The following PHACTR1 variants were observed in gnomAD, a reference collection of about 807,000 sequenced individuals.
PHACTR1 encodes the protein phosphatase and actin regulator 1.
A neutral mutation model predicts 69.2 loss-of-function variants in PHACTR1; 16 were observed. The ratio of observed to expected loss-of-function variants is 0.23; its 90% CI spans 0.16 to 0.35. The LOEUF (loss-of-function observed/expected upper bound fraction) is 0.35. PHACTR1 is among the 10% of genes least tolerant of loss of function. The pLI is 1.00. For missense variants in PHACTR1, 510 were observed against 734.7 expected (o/e 0.69, Z 3.54); for synonymous variants, 312 against 284.5 (o/e 1.10, Z -0.97).
rs551911241 is a variant in PHACTR1 at position 12,895,119 on chromosome 6, T to C, written c.250+145329T>C. Among the ~76,000 whole-genome samples the C allele has an allele frequency of 3.3e-4, 50 of 152,050 alleles. 2 individuals are homozygous for C. In the South Asian group the frequency reaches 8.9e-3, roughly 27 times the overall value. ...TCTGTATAATATTCTACTCTTAGGA[T>C]ATTGTGTATATATTTAACTAATCTA... On this transcript the variant is annotated intron_variant, in intron 4 of 14. Coordinates refer to ENST00000332995, the MANE Select transcript of PHACTR1 (RefSeq NM_030948.6).
At chr6:12,865,457 GGT>G (rs34729979) in intron 4 of PHACTR1, among the ~76,000 whole-genome samples, 87,504 of 149,768 alleles carry the variant, frequency 0.58, 27,175 homozygotes, top group East Asian at 0.85. Context: ...TTGTTTAATG[GGT>G]GTGTGTGTGT....
At chr6:13,210,284 G>A (rs1766615354) in intron 8 of PHACTR1, among the ~76,000 whole-genome samples, 5 of 152,068 alleles carry the variant, frequency 3.3e-5, no homozygotes, top group Admixed American at 3.3e-4. Flanking sequence ...CAAATTTCTG[G>A]CATTACAGGT....
chr6:12,841,204 A>G (rs996341016), intron 4 of PHACTR1, among the ~76,000 whole-genome samples: 2 of 152,248 alleles, frequency 1.3e-5, no homozygotes, highest in African/African-American at 4.8e-5. Context: ...GAGAAGTTAA[A>G]TGACACATCC....
At chr6:12,967,574 G>A (rs1793649749) in intron 4 of PHACTR1, among the ~76,000 whole-genome samples, 1 of 152,220 alleles carries the variant, frequency 6.6e-6, no homozygotes, top group South Asian at 2.1e-4. Flanking sequence ...TCAGTCAACT[G>A]TAACTCTTAG....
At chr6:13,185,523 G>T (rs1014900763) in intron 7 of PHACTR1, among the ~76,000 whole-genome samples, 2 of 151,622 alleles carry the variant, frequency 1.3e-5, no homozygotes, top group African/African-American at 4.8e-5. Flanking sequence ...TAAAAGAAGA[G>T]TAAGCTTAGC....
chr6:12,954,853 C>A (rs1791689808), intron 4 of PHACTR1, among the ~76,000 whole-genome samples: 2 of 152,128 alleles, frequency 1.3e-5, no homozygotes, highest in African/African-American at 2.4e-5. Flanking sequence ...CAAATTTGTT[C>A]CCCTAAAATA....
rs2127385975 is a variant in PHACTR1, at chr6:13,246,253, T to C, written c.1391+16060T>C. ...AATAATGTGGAGGTTTTGAATGAAA[T>C]CTTTAAAAAACATATTCAGTTATCA... On this transcript the variant is annotated intron_variant, in intron 10 of 14. Coordinates refer to ENST00000332995, the MANE Select transcript of PHACTR1 (RefSeq NM_030948.6). This position sits in a 1 kb window ranked among gnomAD's most constrained non-coding sequence, Gnocchi z 4.2. Among the ~76,000 whole-genome samples, 1 of 152,330 alleles carries C rather than the reference T, an allele frequency of 6.6e-6. No individual in the cohort carries two copies.
intron 5 of PHACTR1, among the ~76,000 whole-genome samples, chr6:13,121,639 G>A (rs1487722875): frequency 6.6e-6 from 1 of 152,192 alleles, no homozygotes; most frequent in East Asian, 1.9e-4. Flanking sequence ...ACATGAAAGG[G>A]ACTCAAGGTA....
At chr6:12,744,776 C>T (rs992702808) in intron 3 of PHACTR1, among the ~76,000 whole-genome samples, 2 of 152,200 alleles carry the variant, frequency 1.3e-5, no homozygotes, top group African/African-American at 4.8e-5. Context: ...CTGAAAATTA[C>T]TTATTTCTAA....
intron 5 of PHACTR1, among the ~76,000 whole-genome samples, chr6:13,134,038 T>C (rs879191842): frequency 7.2e-6 from 1 of 139,140 alleles, no homozygotes; most frequent in East Asian, 2.3e-4. Context: ...CCCCATCTGG[T>C]AGGTGAGGAG....
At chr6:12,718,611 T>C (rs1460619642) in intron 2 of PHACTR1, 88 bp from the exon 3 acceptor site, 1 of 409,986 alleles carries the variant, frequency 2.4e-6, no homozygotes, top group East Asian at 3.6e-5. Context: ...TAATGGGATA[T>C]TCTTATTCAA....
At chr6:12,840,705 C>T (rs534937712) in intron 4 of PHACTR1, among the ~76,000 whole-genome samples, 2 of 152,318 alleles carry the variant, frequency 1.3e-5, no homozygotes, top group South Asian at 2.1e-4. Flanking sequence ...GCACAAGTCT[C>T]ACCATCTCTA....
chr6:12,846,835 CT>C (rs1779327736), intron 4 of PHACTR1, among the ~76,000 whole-genome samples: 1 of 148,560 alleles, frequency 6.7e-6, no homozygotes, highest in South Asian at 2.1e-4. Flanking sequence ...GAGACAGGGT[CT>C]CACTCTGCCA....
intron 4 of PHACTR1, among the ~76,000 whole-genome samples, chr6:12,928,387 G>A (rs982850528): frequency 6.6e-6 from 1 of 152,114 alleles, no homozygotes; most frequent in Non-Finnish European, 1.5e-5. Context: ...CCTACGAACG[G>A]GACTGGCTTG....
chr6:12,859,037 G>C (rs1288678231), intron 4 of PHACTR1, among the ~76,000 whole-genome samples: 1 of 152,156 alleles, frequency 6.6e-6, no homozygotes, highest in Non-Finnish European at 1.5e-5. Flanking sequence ...TCACATCCAA[G>C]ATTTGAACCT....
rs377117950 is a variant in PHACTR1 at position 13,029,309 on chromosome 6, C to T, written c.251-24056C>T. ...TCAGGGGATGCCCTGCATAAAGTAACGGCAGAGTCTTCAGCAGAGGAGTGG... is the reference window on the plus strand; with the variant it reads ...TCAGGGGATGCCCTGCATAAAGTAATGGCAGAGTCTTCAGCAGAGGAGTGG... On this transcript the variant is annotated intron_variant, in intron 4 of 14. Coordinates refer to ENST00000332995, the MANE Select transcript of PHACTR1 (RefSeq NM_030948.6). 4.6e-5 allele frequency among the ~76,000 whole-genome samples: 7 copies of T among 152,220 alleles called. No homozygotes were observed. The East Asian group carries it at 9.7e-4, about 21-fold the overall frequency.
intron 4 of PHACTR1, among the ~76,000 whole-genome samples, chr6:12,832,839 G>T (rs998015414): frequency 2.0e-5 from 3 of 152,076 alleles, no homozygotes; most frequent in Non-Finnish European, 4.4e-5. Context: ...ACGGGGTGTG[G>T]AATAATATGC....
intron 4 of PHACTR1, among the ~76,000 whole-genome samples, chr6:12,772,937 T>C (rs1289518427): frequency 1.3e-5 from 2 of 152,214 alleles, no homozygotes; most frequent in African/African-American, 4.8e-5. Context: ...TATTTTCAAC[T>C]CCCATTTTTA....
chr6:12,959,176 C>CAAAAAAAAAAA (rs70989814), intron 4 of PHACTR1, among the ~76,000 whole-genome samples: 83 of 45,942 alleles, frequency 1.8e-3, no homozygotes, highest in African/African-American at 2.6e-3. Flanking sequence ...GACTTTATCT[C>CAAAAAAAAAAA]AAAAAAAAAA....
Sources: gnomAD v4.1 joint callset for allele counts (sites outside exome capture counted in the v4.1 genomes callset) on GRCh38, gnomAD v4.1.1 for gene constraint, Gnocchi (gnomAD v3.1) non-coding constraint, MANE v1.5 for transcripts, NCBI Gene and HGNC (gene_info 2026-07-23, HGNC 2026-07-21) for gene names.